CLDN14: variants seen among roughly 807,000 people sequenced by gnomAD.
CLDN14 encodes claudin-14.
A neutral mutation model predicts 2.1 loss-of-function variants in CLDN14; 2 were observed. The ratio of observed to expected loss-of-function variants is 0.96; its 90% confidence interval spans 0.39 to 3.01. The LOEUF (loss-of-function observed/expected upper bound fraction) is 3.01. Ranked by LOEUF, CLDN14 falls within the 30% of genes most tolerant of loss-of-function variation. The pLI is 0.09. For synonymous variants in CLDN14, 136 were observed against 154.4 expected (o/e 0.88, Z 0.88); for missense variants, 298 against 328.0 (o/e 0.91, Z 0.71).
chr21:36,537,494 G>A (rs2087433691), intron 1 of CLDN14, among the ~76,000 whole-genome samples: 1 of 152,162 alleles, frequency 6.6e-6, no homozygotes, highest in African/African-American at 2.4e-5. Context: ...TGACGCTAGA[G>A]TTAATTTTTT....
chr21:36,507,547 T>C lies in CLDN14; in HGVS notation c.-82+2816A>G, dbSNP rs2087144205. ...GAAAGGCCAAGGTGGGTGGATCACCTAAGGTCAGAAGTTTGAGACCAGCCT... is the reference window on the plus strand; with the variant it reads ...GAAAGGCCAAGGTGGGTGGATCACCCAAGGTCAGAAGTTTGAGACCAGCCT... On this transcript the variant is annotated intron_variant, in intron 2 of 2. Coordinates refer to the CLDN14 transcript ENST00000342108. Among the ~76,000 whole-genome samples, 4 of 152,322 alleles carry C rather than the reference T, an allele frequency of 2.6e-5. No individual in the cohort carries two copies. In the South Asian group the frequency reaches 8.3e-4, roughly 32 times the overall value.
intron 2 of CLDN14, among the ~76,000 whole-genome samples, chr21:36,496,535 A>G (rs2087019363): frequency 6.7e-6 from 1 of 150,242 alleles, no homozygotes; most frequent in Admixed American, 6.7e-5. Context: ...CTCCAAATTT[A>G]GAACCAGGCA....
chr21:36,509,796 G>A (rs929589949), intron 2 of CLDN14, among the ~76,000 whole-genome samples: 19 of 151,982 alleles, frequency 1.3e-4, no homozygotes, highest in African/African-American at 4.1e-4. Flanking sequence ...GGGTTTCACT[G>A]TGCTGACCAG....
At chr21:36,548,824 C>T (rs73206261) in intron 1 of CLDN14, among the ~76,000 whole-genome samples, 2 of 152,302 alleles carry the variant, frequency 1.3e-5, no homozygotes, top group Non-Finnish European at 2.9e-5. Flanking sequence ...CCCTTCCACA[C>T]TGACCCATGA....
intron 1 of CLDN14, among the ~76,000 whole-genome samples, chr21:36,519,821 C>T (rs966793907): frequency 2.6e-5 from 4 of 152,156 alleles, no homozygotes; most frequent in Non-Finnish European, 4.4e-5. Flanking sequence ...CTGATGAGAG[C>T]GTCTTCTCTG....
Position 36,530,577 on chromosome 21 carries a change from GCAGAGGC to G in CLDN14, c.-219-20084_-219-20078del, listed in dbSNP as rs536250091. ...TGGAAACTAATAAATCTAACAAAGG[GCAGAGGC>G]CATGTGATAACAAAGACAGTAAGTG... On this transcript the variant is annotated intron_variant, in intron 1 of 2. Coordinates refer to the CLDN14 transcript ENST00000342108. Among the ~76,000 whole-genome samples, 5 of 152,324 alleles carry G rather than the reference GCAGAGGC, an allele frequency of 3.3e-5. No individual in the cohort carries two copies. In the East Asian group the frequency reaches 9.6e-4, roughly 29 times the overall value.
At position 36,498,669 on chromosome 21, in the gene CLDN14, C is replaced by T. The variant is rs1312814854; in HGVS notation, c.-82+11694G>A. ...TCCCCTCCACCCTGGAAAAAATGAACATAGGATCTGGCTGTGGCAGACAGC... is the reference window on the plus strand; with the variant it reads ...TCCCCTCCACCCTGGAAAAAATGAATATAGGATCTGGCTGTGGCAGACAGC... On this transcript the variant is annotated intron_variant, in intron 2 of 2. Transcript: ENST00000342108. This position sits in a 1 kb window ranked among gnomAD's most constrained non-coding sequence, Gnocchi z 4.9. 1.3e-5 allele frequency among the ~76,000 whole-genome samples: 2 copies of T among 152,146 alleles called. No individual in the cohort carries two copies. Among genetic ancestry groups the T allele is most frequent in the Non-Finnish European group, 2.9e-5 (2 of 68,026 alleles).
intron 2 of CLDN14, among the ~76,000 whole-genome samples, chr21:36,489,097 G>C (rs929416028): frequency 7.9e-6 from 1 of 126,870 alleles, no homozygotes; most frequent in Non-Finnish European, 1.6e-5. Context: ...GCAACAGAGT[G>C]AGTGAGAGTC....
intron 2 of CLDN14, chr21:36,486,711 G>A (rs1431584752): frequency 2.3e-5 from 28 of 1,216,816 alleles, no homozygotes; most frequent in Non-Finnish European, 3.4e-5. Context: ...TCCTTCTTGA[G>A]GAATTTAGCC....
At chr21:36,529,496 C>T (rs1317887286) in intron 1 of CLDN14, among the ~76,000 whole-genome samples, 2 of 152,092 alleles carry the variant, frequency 1.3e-5, no homozygotes, top group African/African-American at 2.4e-5. Flanking sequence ...CCAGGCTGGC[C>T]TCAAACTCCT....
upstream of CLDN14, among the ~76,000 whole-genome samples, chr21:36,483,792 G>C (rs1253944058): frequency 6.6e-6 from 1 of 152,178 alleles, no homozygotes; most frequent in Admixed American, 6.5e-5. Flanking sequence ...TGTGGGTTGA[G>C]ACCTTTTGGA....
At chr21:36,519,737 A>AAAC (rs397775963) in intron 1 of CLDN14, among the ~76,000 whole-genome samples, 1 of 147,784 alleles carries the variant, frequency 6.8e-6, no homozygotes, top group Non-Finnish European at 1.5e-5. Flanking sequence ...CAACAACAAA[A>AAAC]CCCCAAAAAC....
At chr21:36,503,956 C>T (rs889855912) in intron 2 of CLDN14, among the ~76,000 whole-genome samples, 9 of 150,096 alleles carry the variant, frequency 6.0e-5, no homozygotes, top group Admixed American at 3.3e-4. Context: ...ATTAAGATGC[C>T]ATCAATTGTA....
chr21:36,473,080 T>A (rs1291483244), intron 1 of CLDN14, among the ~76,000 whole-genome samples: 1 of 152,220 alleles, frequency 6.6e-6, no homozygotes, highest in Non-Finnish European at 1.5e-5. Flanking sequence ...AACTGCAGTG[T>A]CCGTGATCCT....
chr21:36,473,313 C>T (rs2086733684), intron 1 of CLDN14, among the ~76,000 whole-genome samples: 1 of 152,108 alleles, frequency 6.6e-6, no homozygotes, highest in Non-Finnish European at 1.5e-5. Context: ...TCTTGAACTC[C>T]TGGGCTTAAG....
intron 1 of CLDN14, among the ~76,000 whole-genome samples, chr21:36,511,639 A>G (rs1477069069): frequency 6.6e-6 from 1 of 152,030 alleles, no homozygotes. Flanking sequence ...TCTGTGAGCC[A>G]TGTGTTTCCT....
chr21:36,481,089 A>C (rs771879796), upstream of CLDN14: 1 of 152,244 alleles, frequency 6.6e-6, no homozygotes, highest in Non-Finnish European at 1.5e-5. Context: ...AGTCACAAAC[A>C]AAAACAACTT....
upstream of CLDN14, among the ~76,000 whole-genome samples, chr21:36,481,440 ACTTTGT>A (rs534639759): frequency 1.3e-3 from 192 of 152,244 alleles, 1 homozygote; most frequent in Middle Eastern, 0.014. Context: ...ATTTTTTATA[ACTTTGT>A]CTTTGAGATG....
chr21:36,487,994 G>A (rs2086914744), intron 2 of CLDN14, among the ~76,000 whole-genome samples: 1 of 152,188 alleles, frequency 6.6e-6, no homozygotes, highest in African/African-American at 2.4e-5. Flanking sequence ...TCAAACAGGT[G>A]TGTGCACACT....
Sources: gnomAD v4.1 joint callset for allele counts (sites outside exome capture counted in the v4.1 genomes callset) on GRCh38, gnomAD v4.1.1 for gene constraint, Gnocchi (gnomAD v3.1) non-coding constraint, MANE v1.5 for transcripts, NCBI Gene and HGNC (gene_info 2026-07-23, HGNC 2026-07-21) for gene names.